LRP1B: variants seen among roughly 807,000 people sequenced by gnomAD.
LRP1B encodes the protein low-density lipoprotein receptor-related protein 1B.
LRP1B carries 217 observed loss-of-function variants against 556.6 expected under a neutral mutation model. That is an observed-to-expected ratio of 0.39 (90% CI 0.35 to 0.44). LRP1B has a LOEUF of 0.44. Among genes scored for constraint, LRP1B ranks in the 20% least tolerant of loss-of-function variants. The pLI is 1.00. For missense variants in LRP1B, 5,053 were observed against 5,620.8 expected (o/e 0.90, Z 3.23); for synonymous variants, 2,047 against 1,865.8 (o/e 1.10, Z -2.50).
At position 141,337,454 on chromosome 2, in the gene LRP1B, G is replaced by C. The variant is rs184874102; in HGVS notation, c.344-82813C>G. Reference sequence around the variant, plus strand: ...ATGTCTTTATATATTCTGAAAGTAAGTTCTTTATGAGATGCGGGATTTGCA... The same window carrying C: ...ATGTCTTTATATATTCTGAAAGTAACTTCTTTATGAGATGCGGGATTTGCA... On this transcript the variant is annotated intron_variant, in intron 3 of 90. Transcript: ENST00000389484. 2.1e-4 allele frequency among the ~76,000 whole-genome samples: 32 copies of C among 151,376 alleles called. No homozygotes were observed. In the East Asian group the frequency reaches 5.8e-3, roughly 27 times the overall value.
chr2:140,264,973 GTGTGTGCC>G (rs1361099806), intron 86 of LRP1B, among the ~76,000 whole-genome samples: 2 of 152,054 alleles, frequency 1.3e-5, no homozygotes, highest in Non-Finnish European at 2.9e-5. Flanking sequence ...GTATATGTGT[GTGTGTGCC>G]TGTGTTCATG....
chr2:142,128,060 A>C (rs1463931080), intron 1 of LRP1B, among the ~76,000 whole-genome samples: 1 of 152,152 alleles, frequency 6.6e-6, no homozygotes, highest in Non-Finnish European at 1.5e-5. Flanking sequence ...CATGTACATT[A>C]GTTTAGCTCT....
At chr2:140,948,885 G>A (rs576935363) in intron 20 of LRP1B, among the ~76,000 whole-genome samples, 2 of 152,288 alleles carry the variant, frequency 1.3e-5, no homozygotes, top group Admixed American at 1.3e-4. Flanking sequence ...GAACAGCTGG[G>A]CTTTTTAAAA....
intron 15 of LRP1B, 126 bp downstream of exon 15, chr2:141,005,209 A>G: frequency 1.9e-6 from 2 of 1,063,010 alleles, no homozygotes; most frequent in Non-Finnish European, 2.6e-6. Context: ...GTCTAAAAAG[A>G]ATTATATCTA....
intron 2 of LRP1B, among the ~76,000 whole-genome samples, chr2:141,600,645 AC>A (rs1350527815): frequency 2.6e-5 from 4 of 152,280 alleles, no homozygotes; most frequent in African/African-American, 7.2e-5. Context: ...AATGTCTGCT[AC>A]CTACCACAGC....
chr2:140,950,112 C>T (rs1446077641), intron 20 of LRP1B, 123 bp downstream of exon 20: 2 of 658,750 alleles, frequency 3.0e-6, no homozygotes, highest in Admixed American at 3.5e-5. Context: ...TTACACAGTT[C>T]CACATGTATA....
chr2:141,897,007 A>T (rs1170385305), intron 1 of LRP1B, among the ~76,000 whole-genome samples: 1 of 152,124 alleles, frequency 6.6e-6, no homozygotes, highest in Non-Finnish European at 1.5e-5. Flanking sequence ...TCCAGATCCA[A>T]GCTATATCAT....
chr2:141,037,730 A>T (rs1044197104), intron 11 of LRP1B, among the ~76,000 whole-genome samples: 1 of 152,006 alleles, frequency 6.6e-6, no homozygotes, highest in Admixed American at 6.6e-5. Context: ...CAGGGATTCA[A>T]ACAATAAGAG....
At chr2:141,127,537 C>T (rs910126973) in intron 7 of LRP1B, among the ~76,000 whole-genome samples, 9 of 152,164 alleles carry the variant, frequency 5.9e-5, no homozygotes, top group African/African-American at 2.2e-4. Context: ...GGCACATATA[C>T]ACCATGGAAT....
At chr2:141,037,390 G>A (rs1698564431) in intron 11 of LRP1B, among the ~76,000 whole-genome samples, 1 of 152,002 alleles carries the variant, frequency 6.6e-6, no homozygotes. Context: ...GAGGATGGAG[G>A]GATACTTTTC....
chr2:140,520,798 G>GAAAAAAAAAAAAAA (rs757383865), intron 49 of LRP1B, among the ~76,000 whole-genome samples: 5 of 86,460 alleles, frequency 5.8e-5, no homozygotes, highest in Admixed American at 1.5e-4. Context: ...TAAGAAAACA[G>GAAAAAAAAAAAAAA]AAAAAAAAAA....
chr2:140,335,837 C>T lies in LRP1B; in HGVS notation c.11894G>A (p.Cys3965Tyr). Reference protein sequence around the residue: ...EKRQANSGLICPEFKRPRDIA... With the variant: ...EKRQANSGLIYPEFKRPRDIA... ...GTCCCTGGGCCTTTTAAATTCAGGA[C>T]ACTACAAGGAAACAAAACAACACAC... is the stretch of plus-strand genomic sequence containing the variant. The change falls in exon 78 of 91, where the codon TGT becomes TAT. Residue 3965 changes from cysteine (C) to tyrosine (Y), a missense_variant and splice_region_variant. Coordinates refer to ENST00000389484, the MANE Select transcript of LRP1B (RefSeq NM_018557.3). The T allele has an allele frequency of 6.3e-7, 1 of 1,598,944 alleles. No individual in the cohort carries two copies. The highest frequency in any genetic ancestry group is 8.6e-7 in the Non-Finnish European group (1 of 1,167,742).
At chr2:141,592,560 C>T (rs1306005838) in intron 2 of LRP1B, among the ~76,000 whole-genome samples, 2 of 152,002 alleles carry the variant, frequency 1.3e-5, no homozygotes, top group Non-Finnish European at 2.9e-5. Flanking sequence ...ACAGACATTC[C>T]GAAAATAGCC....
intron 6 of LRP1B, among the ~76,000 whole-genome samples, chr2:141,213,442 A>G (rs1488366499): frequency 6.6e-6 from 1 of 152,140 alleles, no homozygotes; most frequent in Non-Finnish European, 1.5e-5. Context: ...CCATTTCATC[A>G]CAAGATGTAC....
intron 3 of LRP1B, among the ~76,000 whole-genome samples, chr2:141,296,054 T>C (rs1686173605): frequency 6.6e-6 from 1 of 152,186 alleles, no homozygotes; most frequent in South Asian, 2.1e-4. Flanking sequence ...TATAAGGTAG[T>C]AATTACTTTG....
chr2:141,620,271 T>C (rs576166381), intron 2 of LRP1B, among the ~76,000 whole-genome samples: 13 of 152,354 alleles, frequency 8.5e-5, no homozygotes, highest in African/African-American at 2.9e-4. Context: ...CAGTATACTT[T>C]GTATATTCAT....
chr2:140,321,251 T>C (rs1198744657), intron 82 of LRP1B, among the ~76,000 whole-genome samples: 1 of 151,782 alleles, frequency 6.6e-6, no homozygotes, highest in Non-Finnish European at 1.5e-5. Flanking sequence ...TTTTATTTTT[T>C]GTTATTTAAT....
chr2:140,950,397 C>A lies in LRP1B; in HGVS notation c.2974G>T (p.Asp992Tyr), dbSNP rs1428464571. The A allele has an allele frequency of 6.3e-7, 1 of 1,593,918 alleles. No individual in the cohort carries two copies. Among genetic ancestry groups the A allele is most frequent in the South Asian group, 1.1e-5 (1 of 87,078 alleles). ...ACCTCATCACTCCCGTCCCCACAGT[C>A]GTCATCTGGAAAGAAACATCAACAT... ...SSKWHCDSDD[D>Y]CGDGSDEVGC... The change falls in exon 20 of 91, where the codon GAC (aspartate) becomes TAC (tyrosine). Residue 992 changes from aspartate to tyrosine, a missense_variant. By Grantham distance (160) the Asp-to-Tyr change is radical. Transcript: ENST00000389484.
At chr2:141,301,852 A>G (rs1686407764) in intron 3 of LRP1B, among the ~76,000 whole-genome samples, 1 of 152,196 alleles carries the variant, frequency 6.6e-6, no homozygotes, top group African/African-American at 2.4e-5. Context: ...GCCTCTGGTT[A>G]AAGAATAAAT....
Sources: gnomAD v4.1 joint callset for allele counts (sites outside exome capture counted in the v4.1 genomes callset) on GRCh38, gnomAD v4.1.1 for gene constraint, MANE v1.5 for transcripts, NCBI Gene and HGNC (gene_info 2026-07-23, HGNC 2026-07-21) for gene names.